VWA5B1: variants seen among roughly 807,000 people sequenced by gnomAD.
VWA5B1 encodes von Willebrand factor A domain-containing protein 5B1.
VWA5B1 carries 115 observed loss-of-function variants against 118.2 expected under a neutral mutation model. The ratio of observed to expected loss-of-function variants is 0.97; its 90% CI spans 0.84 to 1.14. The LOEUF (loss-of-function observed/expected upper bound fraction) is 1.14. Among genes scored for constraint, VWA5B1 ranks in the 50% most tolerant of loss-of-function variants. The probability of loss-of-function intolerance (pLI) is 0.00; values close to 1 mark genes in which losing one functional copy is unlikely to be tolerated. For missense variants in VWA5B1, 1,596 were observed against 1,603.8 expected, an observed-to-expected ratio of 1.00 and a Z score of 0.08; for synonymous variants, 682 against 658.4, an observed-to-expected ratio of 1.04 and a Z score of -0.55.
At chr1:20,330,466 G>A in intron 10 of VWA5B1, 84 bp downstream of exon 10, 1 of 1,478,382 alleles carries the variant, frequency 6.8e-7, no homozygotes, top group South Asian at 1.2e-5. Flanking sequence ...TGTGGAAAAT[G>A]CCAGAGGGAG....
In VWA5B1 at chr1:20,353,824, C is replaced by T; in HGVS notation, c.3209C>T (p.Pro1070Leu). The change falls in exon 22 of 22, where the codon CCC becomes CTC. Residue 1070 changes from proline (P) to leucine (L), a missense_variant. Coordinates refer to ENST00000289815, the MANE Select transcript of VWA5B1 (RefSeq NM_001039500.3). Reference sequence around the variant, plus strand: ...GCCTTCTGTGAGGCCACGCACATCCCCATGGAGAAGCTCAAGTGGACGTCC... The same window carrying T: ...GCCTTCTGTGAGGCCACGCACATCCTCATGGAGAAGCTCAAGTGGACGTCC... Reference protein sequence around the residue: ...NEAFCEATHIPMEKLKWTSPF... With the variant: ...NEAFCEATHILMEKLKWTSPF... 6.6e-7 allele frequency: 1 copy of T among 1,516,032 alleles called. No individual in the cohort carries two copies. The allele number at this position is 1,516,032 out of a possible 1,614,324, so 93.9% of individuals were successfully genotyped here. A position where few individuals can be genotyped will look rare whatever the true frequency, so the allele number is the denominator to read the frequency against.
Position 20,350,201 on chromosome 1 carries a change from C to G in VWA5B1, c.2924C>G (p.Pro975Arg), listed in dbSNP as rs2090099360. 1 of 1,551,042 alleles carries G rather than the reference C, an allele frequency of 6.4e-7. No individual in the cohort carries two copies. The highest frequency in any genetic ancestry group is 8.7e-7 in the Non-Finnish European group (1 of 1,146,990). The change falls in exon 19 of 22, where the codon CCC (proline) becomes CGC (arginine). Residue 975 changes from proline (P) to arginine (R), a missense_variant. By Grantham distance (103) the Pro-to-Arg change is moderately radical (BLOSUM62 -2). Transcript: ENST00000289815. ...GCTCTCTTCAGCGAGGCCAGGTCCC[C>G]CGGCCGCGAGAAGCACGGTGCTTCT... ...PTALFSEARS[P>R]GREKHGASEG...
Position 20,354,746 on chromosome 1 carries a change from C to T in VWA5B1, c.*483C>T, listed in dbSNP as rs2090199568. 6.3e-6 allele frequency: 1 copy of T among 158,656 alleles called. No homozygotes were observed. Among genetic ancestry groups the T allele is most frequent in the Non-Finnish European group, 1.4e-5 (1 of 72,336 alleles). 9.8% of individuals were successfully genotyped at this position (158,656 alleles called of 1,614,324 possible). The stretch of plus-strand genomic sequence containing the variant: ...CCAGGCCTACAGGCTTGCATAGGCA[C>T]ATAGAGACTAGCAAGTCTGGTGCCT... On this transcript the variant is annotated 3_prime_UTR_variant, in exon 22 of 22. Transcript: ENST00000289815.
intron 12 of VWA5B1, among the ~76,000 whole-genome samples, chr1:20,335,989 C>T (rs2100956712): frequency 6.6e-6 from 1 of 152,290 alleles, no homozygotes; most frequent in East Asian, 1.9e-4. Context: ...ATGGAAGGAA[C>T]AGATGGTTTA....
intron 12 of VWA5B1, 29 bp downstream of exon 12, chr1:20,332,980 G>A (rs763412343): frequency 7.7e-5 from 119 of 1,549,170 alleles, no homozygotes; most frequent in Non-Finnish European, 9.5e-5. Flanking sequence ...CCACGGGTCC[G>A]TGTGGGCCCA....
intron 12 of VWA5B1, among the ~76,000 whole-genome samples, chr1:20,333,220 A>G (rs149847263): frequency 1.3e-5 from 2 of 152,316 alleles, no homozygotes; most frequent in Non-Finnish European, 2.9e-5. Flanking sequence ...CTTGTTTAAA[A>G]TGCACAGCTT....
intron 7 of VWA5B1, among the ~76,000 whole-genome samples, chr1:20,321,456 A>G (rs1557845969): frequency 6.6e-6 from 1 of 152,148 alleles, no homozygotes; most frequent in African/African-American, 2.4e-5. Flanking sequence ...TTGGTGGCGC[A>G]TGCCTGTCAT....
intron 11 of VWA5B1, among the ~76,000 whole-genome samples, chr1:20,332,043 C>T (rs569946907): frequency 3.3e-5 from 5 of 152,302 alleles, no homozygotes; most frequent in African/African-American, 1.2e-4. Flanking sequence ...CACCCTCCTA[C>T]TTTAACAGAA....
chr1:20,350,925 T>C lies in VWA5B1; in HGVS notation c.3022T>C (p.Trp1008Arg), dbSNP rs1184293726. Residue 1008 changes from tryptophan (W) to arginine (R), a missense_variant and splice_region_variant, in exon 20 of 22, where the codon TGG (tryptophan) becomes CGG (arginine). Trp to Arg is a moderately radical substitution (Grantham distance 101). Transcript: ENST00000289815. Reference protein sequence around the residue: ...MKASENLFGSWLNLNKSRLLT... With the variant: ...MKASENLFGSRLNLNKSRLLT... ...GGCCTCAGAGAATCTCTTTGGATCC[T>C]GGTAGGTGGGATTTCCAATAAAGGT... The C allele has an allele frequency of 6.4e-7, 1 of 1,551,858 alleles. No individual in the cohort carries two copies. Among genetic ancestry groups the C allele is most frequent in the Non-Finnish European group, 8.7e-7 (1 of 1,146,968 alleles).
At chr1:20,331,969 C>T (rs778101701) in intron 11 of VWA5B1, among the ~76,000 whole-genome samples, 21 of 152,164 alleles carry the variant, frequency 1.4e-4, no homozygotes, top group South Asian at 2.1e-4. Context: ...CCACACCTAG[C>T]GCATGTCATT....
At chr1:20,341,522 G>C (rs1338920626) in intron 14 of VWA5B1, among the ~76,000 whole-genome samples, 1 of 152,120 alleles carries the variant, frequency 6.6e-6, no homozygotes, top group Non-Finnish European at 1.5e-5. Flanking sequence ...TTACAAACTT[G>C]TTTTAATTTA....
intron 4 of VWA5B1, among the ~76,000 whole-genome samples, chr1:20,315,149 T>C (rs2088966858): frequency 6.6e-6 from 1 of 152,168 alleles, no homozygotes. Context: ...GGAGTGATGT[T>C]TCAGCTGAGA....
chr1:20,296,189 C>A (rs1205614576), intron 1 of VWA5B1, among the ~76,000 whole-genome samples: 2 of 152,150 alleles, frequency 1.3e-5, no homozygotes, highest in Non-Finnish European at 2.9e-5. Flanking sequence ...TAAAATGTCA[C>A]CCTAATAGAG....
At chr1:20,353,189 A>T (rs755114801) in intron 21 of VWA5B1, among the ~76,000 whole-genome samples, 4 of 152,190 alleles carry the variant, frequency 2.6e-5, no homozygotes, top group Admixed American at 6.5e-5. Context: ...GGAGAGGGTA[A>T]GAGTCAACGA....
At chr1:20,331,029 G>A in intron 11 of VWA5B1, 46 bp downstream of exon 11, 1 of 1,480,732 alleles carries the variant, frequency 6.8e-7, no homozygotes, top group Non-Finnish European at 9.1e-7. Flanking sequence ...TGGAACCTCA[G>A]AGGCTCAGAC....
Position 20,317,631 on chromosome 1 carries a change from A to G in VWA5B1, c.665A>G (p.Glu222Gly). ...NTEVSNPMEY[E>G]FNFQLEIRGP... is the part of the protein sequence containing the mutation. ...GAAGTGTCCAACCCCATGGAGTATG[A>G]GTTCAACTTCCAGCTGGAGATCCGT... The change falls in exon 5 of 22, where the codon GAG (glutamate) becomes GGG (glycine). Residue 222 changes from glutamate (E) to glycine (G), a missense_variant. Glu to Gly is a moderately conservative substitution (Grantham distance 98). Transcript: ENST00000289815. 1 of 1,551,606 alleles carries G rather than the reference A, an allele frequency of 6.4e-7. No homozygotes were observed. Among genetic ancestry groups the G allele is most frequent in the Non-Finnish European group, 8.7e-7 (1 of 1,146,904 alleles).
chr1:20,293,723 C>G (rs923267556), intron 1 of VWA5B1, among the ~76,000 whole-genome samples: 1 of 152,246 alleles, frequency 6.6e-6, no homozygotes, highest in Non-Finnish European at 1.5e-5. Flanking sequence ...CTCCAGGTCA[C>G]CAGGGGTGCA....
In VWA5B1 at chr1:20,353,747, C is replaced by T. The variant is rs773912603; in HGVS notation, c.3142-10C>T. 1 of 1,452,742 alleles carries T rather than the reference C, an allele frequency of 6.9e-7. No homozygotes were observed. Among genetic ancestry groups the T allele is most frequent in the Non-Finnish European group, 9.1e-7 (1 of 1,099,882 alleles). 90.0% of individuals were successfully genotyped at this position (1,452,742 alleles called of 1,614,324 possible). A position where few individuals can be genotyped will look rare whatever the true frequency, so the allele number is the denominator to read the frequency against. The stretch of plus-strand genomic sequence containing the variant: ...TTTGAGGCCCACTGAAGGGCTTCCC[C>T]CACACACAGGTGTCTCTGCAGCTGG... On this transcript the variant is annotated splice_polypyrimidine_tract_variant and intron_variant, in intron 21 of 21. Coordinates refer to ENST00000289815, the MANE Select transcript of VWA5B1 (RefSeq NM_001039500.3).
chr1:20,330,324 G>A lies in VWA5B1; in HGVS notation c.1399G>A (p.Ala467Thr), dbSNP rs1010770874. 18 of 1,551,686 alleles carry A rather than the reference G, an allele frequency of 1.2e-5. No individual in the cohort carries two copies. Among genetic ancestry groups the A allele is most frequent in the South Asian group, 7.1e-5 (6 of 84,068 alleles). Residue 467 changes from alanine (A) to threonine (T), a missense_variant, in exon 10 of 22, where the codon GCT (alanine) becomes ACT (threonine). Ala to Thr is a moderately conservative substitution (Grantham distance 58). Coordinates refer to ENST00000289815, the MANE Select transcript of VWA5B1 (RefSeq NM_001039500.3). ...GCTCCTCTTCGTGATCACAGATGGCGCTGTCAACAACACAGGGAAGGTGCT... is the reference window on the plus strand; with the variant it reads ...GCTCCTCTTCGTGATCACAGATGGCACTGTCAACAACACAGGGAAGGTGCT... The part of the protein sequence containing the change: ...PRLLFVITDG[A>T]VNNTGKVLEL...
Sources: gnomAD v4.1 joint callset for allele counts (sites outside exome capture counted in the v4.1 genomes callset) on GRCh38, gnomAD v4.1.1 for gene constraint, MANE v1.5 for transcripts, NCBI Gene and HGNC (gene_info 2026-07-23, HGNC 2026-07-21) for gene names.